Variants in GDPD4 observed in about 807,000 individuals in gnomAD.
GDPD4 encodes glycerophosphodiester phosphodiesterase 6.
In GDPD4, 60 loss-of-function variants were observed where a neutral mutation model predicts 67.8. The ratio of observed to expected loss-of-function variants is 0.88; its 90% CI spans 0.72 to 1.10. GDPD4 has a LOEUF of 1.10. Ranked by LOEUF, GDPD4 falls within the 50% of genes least tolerant of loss-of-function variation. GDPD4 has a pLI of 0.00. For missense variants in GDPD4, 623 were observed against 613.9 expected, an observed-to-expected ratio of 1.01 and a Z score of -0.16; for synonymous variants, 212 against 210.9, an observed-to-expected ratio of 1.00 and a Z score of -0.04.
chr11:77,269,726 C>A (rs187042257), intron 8 of GDPD4, among the ~76,000 whole-genome samples, 157 bp downstream of exon 8: 2 of 152,232 alleles, frequency 1.3e-5, no homozygotes, highest in Admixed American at 6.5e-5. Context: ...AGTACATACA[C>A]ACACATTCAC....
chr11:77,221,392 C>A (rs955066999), intron 16 of GDPD4, among the ~76,000 whole-genome samples: 5 of 152,228 alleles, frequency 3.3e-5, no homozygotes, highest in Non-Finnish European at 7.3e-5. Flanking sequence ...TCCCTCTACA[C>A]ACTGCTTTAC....
chr11:77,224,590 C>T (rs1958290180), intron 16 of GDPD4, among the ~76,000 whole-genome samples: 1 of 152,112 alleles, frequency 6.6e-6, no homozygotes, highest in Non-Finnish European at 1.5e-5. Flanking sequence ...ATTGAGAAAA[C>T]AGAGATGACT....
intron 11 of GDPD4, among the ~76,000 whole-genome samples, chr11:77,248,051 C>CAAAAAAAAAA (rs34252021): frequency 4.0e-4 from 25 of 62,494 alleles, no homozygotes; most frequent in Non-Finnish European, 4.5e-4. Context: ...AACTCCGTCT[C>CAAAAAAAAAA]AAAAAAAAAA....
chr11:77,245,190 G>A, intron 12 of GDPD4, 91 bp downstream of exon 12: 1 of 862,390 alleles, frequency 1.2e-6, no homozygotes, highest in Non-Finnish European at 1.9e-6. Flanking sequence ...TCCCAGGGTA[G>A]ATGTACAAGG....
chr11:77,256,937 A>G (rs1959014159), intron 11 of GDPD4, among the ~76,000 whole-genome samples: 1 of 152,226 alleles, frequency 6.6e-6, no homozygotes, highest in Non-Finnish European at 1.5e-5. Flanking sequence ...CCTTTATAGC[A>G]AAACAAAATG....
intron 10 of GDPD4, among the ~76,000 whole-genome samples, chr11:77,262,244 T>C (rs750364182): frequency 2.4e-4 from 36 of 152,194 alleles, no homozygotes; most frequent in Admixed American, 1.4e-3. Flanking sequence ...ATTTACAGGC[T>C]ACTACAAAGC....
At chr11:77,298,863 C>A (rs1938068473) in intron 1 of GDPD4, among the ~76,000 whole-genome samples, 1 of 151,732 alleles carries the variant, frequency 6.6e-6, no homozygotes, top group South Asian at 2.1e-4. Flanking sequence ...ATTGTTATGC[C>A]AGAGTCAGGT....
intron 5 of GDPD4, 114 bp downstream of exon 5, chr11:77,276,047 C>T: frequency 7.0e-6 from 5 of 714,930 alleles, no homozygotes; most frequent in South Asian, 3.3e-5. Context: ...CCAAGGAGAA[C>T]AGTAACAGAG....
At chr11:77,246,764 T>C (rs1263995361) in intron 11 of GDPD4, among the ~76,000 whole-genome samples, 1 of 152,172 alleles carries the variant, frequency 6.6e-6, no homozygotes, top group African/African-American at 2.4e-5. Context: ...TCTACTGGAG[T>C]GTAACTCCCT....
At chr11:77,284,062 T>G (rs900507570) in intron 3 of GDPD4, among the ~76,000 whole-genome samples, 2 of 152,112 alleles carry the variant, frequency 1.3e-5, no homozygotes, top group Non-Finnish European at 2.9e-5. Flanking sequence ...TTATTCTTCT[T>G]GACTCAATAA....
intron 1 of GDPD4, among the ~76,000 whole-genome samples, chr11:77,296,513 G>C (rs1002332249): frequency 1.3e-5 from 2 of 150,302 alleles, no homozygotes; most frequent in Non-Finnish European, 3.0e-5. Context: ...GTAGAAACAG[G>C]GTTTCACCAA....
chr11:77,263,212 G>C (rs1352707878), intron 10 of GDPD4, among the ~76,000 whole-genome samples: 1 of 152,116 alleles, frequency 6.6e-6, no homozygotes, highest in Non-Finnish European at 1.5e-5. Flanking sequence ...ATAAATACGT[G>C]AGTAAATATA....
chr11:77,231,298 A>G (rs1958449424), intron 14 of GDPD4, among the ~76,000 whole-genome samples: 1 of 152,210 alleles, frequency 6.6e-6, no homozygotes, highest in Non-Finnish European at 1.5e-5. Flanking sequence ...CACTATTATT[A>G]TCCCCAATTT....
intron 10 of GDPD4, among the ~76,000 whole-genome samples, chr11:77,265,558 A>T (rs1031711408): frequency 6.6e-6 from 1 of 152,134 alleles, no homozygotes; most frequent in African/African-American, 2.4e-5. Flanking sequence ...ATTTCCCCTA[A>T]TAGTAACATC....
intron 10 of GDPD4, among the ~76,000 whole-genome samples, chr11:77,260,180 G>A (rs897185497): frequency 9.2e-5 from 14 of 152,154 alleles, no homozygotes; most frequent in Non-Finnish European, 4.4e-5. Flanking sequence ...GGTGGTACAC[G>A]CCTGTAGTCC....
Position 77,271,213 on chromosome 11 carries a change from G to A in GDPD4, c.317C>T (p.Pro106Leu). 6.2e-7 allele frequency: 1 copy of A among 1,613,170 alleles called. No homozygotes were observed. Among genetic ancestry groups the A allele is most frequent in the Non-Finnish European group, 8.5e-7 (1 of 1,179,684 alleles). ...VAGLSMQIFA[P>L]YVHLVSITVM... ...AGTTATGCTGACCAGGTGCACGTAG[G>A]GAGCAAAGATCTGTGAGAAAGCCAA... Residue 106 changes from proline (P) to leucine (L), a missense_variant, in exon 7 of 17, where the codon CCC becomes CTC. Transcript: ENST00000315938.
intron 16 of GDPD4, 112 bp downstream of exon 16, chr11:77,227,752 C>CCAAATT: frequency 1.3e-6 from 1 of 747,398 alleles, no homozygotes; most frequent in Non-Finnish European, 2.4e-6. Context: ...ACCCCACCCC[C>CCAAATT]AACTTTCCAG....
intron 1 of GDPD4, among the ~76,000 whole-genome samples, chr11:77,291,783 C>T (rs184822939): frequency 6.6e-6 from 1 of 152,286 alleles, no homozygotes; most frequent in Non-Finnish European, 1.5e-5. Context: ...GTAATCCCAG[C>T]ACTTTGTGGG....
At chr11:77,253,383 G>A (rs1958943614) in intron 11 of GDPD4, among the ~76,000 whole-genome samples, 2 of 152,160 alleles carry the variant, frequency 1.3e-5, no homozygotes, top group Admixed American at 6.5e-5. Flanking sequence ...GACTCTGTGA[G>A]GCCAAGTGCA....
Sources: gnomAD v4.1 joint callset for allele counts (sites outside exome capture counted in the v4.1 genomes callset) on GRCh38, gnomAD v4.1.1 for gene constraint, MANE v1.5 for transcripts, NCBI Gene and HGNC (gene_info 2026-07-23, HGNC 2026-07-21) for gene names.